The following TMEM115 variants were observed in gnomAD, a reference collection of about 807,000 sequenced individuals.
The protein encoded by TMEM115 is PP6.
A neutral mutation model predicts 20.1 loss-of-function variants in TMEM115; 8 were observed. The observed-to-expected ratio is 0.40, with a 90% CI of 0.23 to 0.72. TMEM115 has a LOEUF of 0.72. Ranked by LOEUF, TMEM115 falls within the 30% of genes least tolerant of loss-of-function variation. The pLI, the probability that TMEM115 is intolerant of heterozygous loss-of-function variation, is 0.39. For synonymous variants in TMEM115, 229 were observed against 206.2 expected (o/e 1.11, Z -0.95); for missense variants, 374 against 455.1 (o/e 0.82, Z 1.62).
Position 50,359,103 on chromosome 3 carries a change from G to C in TMEM115, c.-40C>G, listed in dbSNP as rs1213074607. 2.0e-6 allele frequency: 3 copies of C among 1,522,314 alleles called. No homozygotes were observed. The highest frequency in any genetic ancestry group is 4.9e-5 in the East Asian group (2 of 40,608). The allele number at this position is 1,522,314 out of a possible 1,614,324, so 94.3% of individuals were successfully genotyped here. A position where few individuals can be genotyped will look rare whatever the true frequency, so the allele number is the denominator to read the frequency against. ...TCGGCCTGAGAAAAGGGTCTGGTAG[G>C]CCAGGGGCCTCCCCGGGGCCTCGTC... On this transcript the variant is annotated 5_prime_UTR_variant, in exon 1 of 2. Coordinates refer to ENST00000266025, the MANE Select transcript of TMEM115 (RefSeq NM_007024.5).
At position 50,358,722 on chromosome 3, in the gene TMEM115, G is replaced by A. The variant is rs751891845; in HGVS notation, c.342C>T (p.Ala114=). ...VVNVSVGLLG[A]FAYLLTYMAS... is the part of the protein sequence containing the mutation. ...CCATGTAGGTGAGGAGGTAGGCGAA[G>A]GCCCCCAGCAGCCCTACAGACACAT... The change falls in exon 1 of 2, where the codon GCC becomes GCT. Residue 114 remains alanine, a synonymous_variant. Transcript: ENST00000266025. 12 of 1,613,548 alleles carry A rather than the reference G, an allele frequency of 7.4e-6. No individual in the cohort carries two copies. In the South Asian group the frequency reaches 1.2e-4, roughly 16 times the overall value.
In TMEM115 at chr3:50,355,245, T is replaced by C. The variant is rs1703849546; in HGVS notation, c.*98A>G. On this transcript the variant is annotated 3_prime_UTR_variant, in exon 2 of 2. Transcript: ENST00000266025. ...GGCCATGGAAAGCCCCAGCAGGCCTTCTTCCCTCTCCTCAGAGCAGTCAGG... is the reference window on the plus strand; with the variant it reads ...GGCCATGGAAAGCCCCAGCAGGCCTCCTTCCCTCTCCTCAGAGCAGTCAGG... 2 of 954,080 alleles carry C rather than the reference T, an allele frequency of 2.1e-6. No homozygotes were observed. Among genetic ancestry groups the C allele is most frequent in the Non-Finnish European group, 1.5e-6 (1 of 662,584 alleles). 59.1% of individuals were successfully genotyped at this position (954,080 alleles called of 1,614,324 possible).
At position 50,359,002 on chromosome 3, in the gene TMEM115, A is replaced by G. The variant is rs745742719; in HGVS notation, c.62T>C (p.Val21Ala). The change falls in exon 1 of 2, where the codon GTG becomes GCG. Residue 21 changes from valine (V) to alanine (A), a missense_variant. Physicochemically the swap from Val to Ala is moderately conservative, Grantham distance 64 (BLOSUM62 0). Coordinates refer to ENST00000266025, the MANE Select transcript of TMEM115 (RefSeq NM_007024.5). ...HLGAILASAS[V>A]VVKALCAAVL... ...CGCCGCACACAGAGCCTTCACCACC[A>G]CGCTGGCGCTGGCCAGAATGGCCCC... 6.3e-7 allele frequency: 1 copy of G among 1,579,672 alleles called. No individual in the cohort carries two copies. The highest frequency in any genetic ancestry group is 8.6e-7 in the Non-Finnish European group (1 of 1,163,068).
rs775010883 is a variant in TMEM115, at chr3:50,359,071, G to A, written c.-8C>T. ...TGGCAGGGCACGTTGCATCTTCCTG[G>A]CGGCTGTCGGCCTGAGAAAAGGGTC... On this transcript the variant is annotated 5_prime_UTR_variant, in exon 1 of 2. Coordinates refer to ENST00000266025, the MANE Select transcript of TMEM115 (RefSeq NM_007024.5). 17 of 1,545,258 alleles carry A rather than the reference G, an allele frequency of 1.1e-5. No homozygotes were observed. Among genetic ancestry groups the A allele is most frequent in the Non-Finnish European group, 1.4e-5 (16 of 1,144,176 alleles).
chr3:50,357,643 C>T (rs886305284), intron 1 of TMEM115, among the ~76,000 whole-genome samples: 4 of 152,346 alleles, frequency 2.6e-5, no homozygotes, highest in South Asian at 2.1e-4. Context: ...CAGGCTCCCT[C>T]AGTGGGTCAT....
Position 50,358,497 on chromosome 3 carries a change from C to T in TMEM115, c.567G>A (p.Pro189=), listed in dbSNP as rs757975546. ...LLRLATLLQS[P]ALASYGFGLL... is the part of the protein sequence containing the mutation. ...GCCCGAAGCCATAGGAAGCCAGCGC[C>T]GGGCTCTGGAGCAGCGTGGCGAGCC... Residue 189 remains proline, a synonymous_variant, in exon 1 of 2, where the codon CCG becomes CCA. Transcript: ENST00000266025. 4 of 1,612,368 alleles carry T rather than the reference C, an allele frequency of 2.5e-6. No homozygotes were observed. The highest frequency in any genetic ancestry group is 2.2e-5 in the East Asian group (1 of 44,848).
chr3:50,355,614 G>A (rs1429430841), intron 1 of TMEM115, 67 bp from the exon 2 acceptor site: 15 of 1,403,840 alleles, frequency 1.1e-5, no homozygotes, highest in South Asian at 1.5e-5. Context: ...CTACCCTTCC[G>A]CAGCAGGCTG....
rs917548058 is a variant in TMEM115 at position 50,359,252 on chromosome 3, G to T, written c.-189C>A. 1.0e-6 allele frequency: 1 copy of T among 971,938 alleles called. No individual in the cohort carries two copies. The highest frequency in any genetic ancestry group is 1.5e-6 in the Non-Finnish European group (1 of 680,520). 60.2% of individuals were successfully genotyped at this position (971,938 alleles called of 1,614,324 possible). On this transcript the variant is annotated 5_prime_UTR_variant, in exon 1 of 2. Coordinates refer to ENST00000266025, the MANE Select transcript of TMEM115 (RefSeq NM_007024.5). Reference sequence around the variant, plus strand: ...GGGGCCGAGTCGGGCCTTGTTGCCGGGCCGCAGCGTAGGCCCCTCGCCCGG... The same window carrying T: ...GGGGCCGAGTCGGGCCTTGTTGCCGTGCCGCAGCGTAGGCCCCTCGCCCGG...
Position 50,355,413 on chromosome 3 carries a change from G to T in TMEM115, c.986C>A (p.Thr329Lys). 1 of 1,586,548 alleles carries T rather than the reference G, an allele frequency of 6.3e-7. No individual in the cohort carries two copies. The highest frequency in any genetic ancestry group is 8.6e-7 in the Non-Finnish European group (1 of 1,166,220). The change falls in exon 2 of 2, where the codon ACA becomes AAA. Residue 329 changes from threonine (T) to lysine (K), a missense_variant. By Grantham distance (78) the Thr-to-Lys change is moderately conservative (BLOSUM62 -1). Coordinates refer to ENST00000266025, the MANE Select transcript of TMEM115 (RefSeq NM_007024.5). Reference protein sequence around the residue: ...DSPLPSDKAPTPPGKGAAPES... With the variant: ...DSPLPSDKAPKPPGKGAAPES... ...TGGGGCAGCCCCCTTCCCTGGGGGT[G>T]TGGGAGCTTTGTCTGAGGGCAGGGG...
At position 50,359,323 on chromosome 3, in the gene TMEM115, A is replaced by G; in HGVS notation, c.-260T>C. 1.9e-6 allele frequency: 1 copy of G among 527,514 alleles called. No homozygotes were observed. The highest frequency in any genetic ancestry group is 2.4e-5 in the South Asian group (1 of 41,914). The allele number at this position is 527,514 out of a possible 1,614,324, so 32.7% of individuals were successfully genotyped here. On this transcript the variant is annotated 5_prime_UTR_variant, in exon 1 of 2. Coordinates refer to ENST00000266025, the MANE Select transcript of TMEM115 (RefSeq NM_007024.5). ...ACGGCTGCGGCACGCCCGCCTACCC[A>G]CCCTGTAGGCCCCGTGCCAGGCTAG...
chr3:50,358,084 G>A (rs1703904498), intron 1 of TMEM115, 129 bp downstream of exon 1: 3 of 1,314,010 alleles, frequency 2.3e-6, no homozygotes, highest in Non-Finnish European at 3.1e-6. Context: ...GACTGATTTT[G>A]TCTTTCCGGA....
At position 50,359,254 on chromosome 3, in the gene TMEM115, C is replaced by T; in HGVS notation, c.-191G>A. 2 of 953,870 alleles carry T rather than the reference C, an allele frequency of 2.1e-6. No homozygotes were observed. The highest frequency in any genetic ancestry group is 3.0e-6 in the Non-Finnish European group (2 of 664,168). The allele number at this position is 953,870 out of a possible 1,614,324, so 59.1% of individuals were successfully genotyped here. A position where few individuals can be genotyped will look rare whatever the true frequency, so the allele number is the denominator to read the frequency against. On this transcript the variant is annotated 5_prime_UTR_variant, in exon 1 of 2. Transcript: ENST00000266025. ...GGCCGAGTCGGGCCTTGTTGCCGGG[C>T]CGCAGCGTAGGCCCCTCGCCCGGGA...
In TMEM115 at chr3:50,355,288, G is replaced by A; in HGVS notation, c.*55C>T. The A allele has an allele frequency of 2.0e-5, 26 of 1,329,996 alleles. No homozygotes were observed. The highest frequency in any genetic ancestry group is 2.6e-5 in the Non-Finnish European group (26 of 984,984). The allele number at this position is 1,329,996 out of a possible 1,614,324, so 82.4% of individuals were successfully genotyped here. A position where few individuals can be genotyped will look rare whatever the true frequency, so the allele number is the denominator to read the frequency against. ...CAGTCAGGTGCCCTGGAGTAGCTGA[G>A]AGGATGTCAAGGGGGGCTTGGGAGG... On this transcript the variant is annotated 3_prime_UTR_variant, in exon 2 of 2. Transcript: ENST00000266025.
chr3:50,355,216 A>T lies in TMEM115; in HGVS notation c.*127T>A, dbSNP rs986308655. On this transcript the variant is annotated 3_prime_UTR_variant, in exon 2 of 2. Coordinates refer to ENST00000266025, the MANE Select transcript of TMEM115 (RefSeq NM_007024.5). ...CTGGGTAGTGTTGGCGAGAAACAGC[A>T]GAAGGCCATGGAAAGCCCCAGCAGG... is the stretch of plus-strand genomic sequence containing the variant. 2 of 668,612 alleles carry T rather than the reference A, an allele frequency of 3.0e-6. No homozygotes were observed. Among genetic ancestry groups the T allele is most frequent in the Non-Finnish European group, 4.8e-6 (2 of 420,726 alleles). 41.4% of individuals were successfully genotyped at this position (668,612 alleles called of 1,614,324 possible).
chr3:50,355,332 G>A lies in TMEM115; in HGVS notation c.*11C>T. ...TGGGAGGGGAGGTGCCACACTCAAG[G>A]TGGTCTGGAGTTACAGCGTCGGGGG... is the stretch of plus-strand genomic sequence containing the variant. On this transcript the variant is annotated 3_prime_UTR_variant, in exon 2 of 2. Coordinates refer to ENST00000266025, the MANE Select transcript of TMEM115 (RefSeq NM_007024.5). The A allele has an allele frequency of 6.8e-7, 1 of 1,467,324 alleles. No homozygotes were observed. Among genetic ancestry groups the A allele is most frequent in the African/African-American group, 1.4e-5 (1 of 69,418 alleles). 90.9% of individuals were successfully genotyped at this position (1,467,324 alleles called of 1,614,324 possible). A position where few individuals can be genotyped will look rare whatever the true frequency, so the allele number is the denominator to read the frequency against.
chr3:50,356,606 G>C (rs1703880638), intron 1 of TMEM115, among the ~76,000 whole-genome samples: 1 of 152,082 alleles, frequency 6.6e-6, no homozygotes, highest in Non-Finnish European at 1.5e-5. Context: ...GTCTTTCCCT[G>C]CTGCTACCCA....
rs1435999365 is a variant in TMEM115 at position 50,358,570 on chromosome 3, C to T, written c.494G>A (p.Arg165His). Residue 165 changes from arginine (R) to histidine (H), a missense_variant, in exon 1 of 2, where the codon CGC becomes CAC. Transcript: ENST00000266025. ...DCVVLRVPQVRVSVMPMLLLA... is the reference protein window; with the variant it reads ...DCVVLRVPQVHVSVMPMLLLA... ...CAGCAGCATGGGCATCACACTGACG[C>T]GCACCTGGGGCACTCGCAGGACCAC... 6.2e-7 allele frequency: 1 copy of T among 1,610,192 alleles called. No homozygotes were observed.
intron 1 of TMEM115, among the ~76,000 whole-genome samples, chr3:50,356,883 C>T (rs1029635319): frequency 6.6e-6 from 1 of 152,178 alleles, no homozygotes; most frequent in Non-Finnish European, 1.5e-5. Flanking sequence ...TCCCCACCAA[C>T]CTGCTTCCCC....
rs934897622 is a variant in TMEM115, at chr3:50,359,211, G to A, written c.-148C>T. 15 of 1,292,390 alleles carry A rather than the reference G, an allele frequency of 1.2e-5. No individual in the cohort carries two copies. Among genetic ancestry groups the A allele is most frequent in the Non-Finnish European group, 1.5e-5 (15 of 970,318 alleles). 80.1% of individuals were successfully genotyped at this position (1,292,390 alleles called of 1,614,324 possible). On this transcript the variant is annotated 5_prime_UTR_variant, in exon 1 of 2. Coordinates refer to ENST00000266025, the MANE Select transcript of TMEM115 (RefSeq NM_007024.5). Reference sequence around the variant, plus strand: ...GTAAAGGATCCGCTTCCGATCGGGTGGGGCTCTGGTCCCGAGGGGCCGAGT... The same window carrying A: ...GTAAAGGATCCGCTTCCGATCGGGTAGGGCTCTGGTCCCGAGGGGCCGAGT...
Sources: allele counts gnomAD v4.1 joint callset (sites outside exome capture counted in the v4.1 genomes callset), GRCh38; gene constraint gnomAD v4.1.1; transcripts MANE v1.5; gene names NCBI Gene and HGNC (gene_info 2026-07-23, HGNC 2026-07-21).